ARL8A: variants seen among roughly 807,000 people sequenced by gnomAD.
ARL8A encodes ADP-ribosylation factor-like protein 8A.
ARL8A carries 10 observed loss-of-function variants against 31.2 expected under a neutral mutation model. That is an observed-to-expected ratio of 0.32 (90% CI 0.20 to 0.54). The LOEUF is 0.54. Among genes scored for constraint, ARL8A ranks in the 20% least tolerant of loss-of-function variants. ARL8A has a pLI of 0.93. For synonymous variants in ARL8A, 70 were observed against 86.9 expected, an observed-to-expected ratio of 0.81 and a Z score of 1.08; for missense variants, 129 against 242.8, an observed-to-expected ratio of 0.53 and a Z score of 3.12.
rs1654966953 is a variant in ARL8A, at chr1:202,135,010, C to G, written c.511+140G>C. ...GACAAGCTGGGATAGTGCCCAGAAT[C>G]TGGGCCACCTGGCTGCCTTTTCTAC... is the stretch of plus-strand genomic sequence containing the variant. On this transcript the variant is annotated intron_variant, in intron 6 of 6. Coordinates refer to ENST00000272217, the MANE Select transcript of ARL8A (RefSeq NM_138795.4). The surrounding 1 kb of genome is among the most constrained non-coding windows in gnomAD (Gnocchi z 5.3). 9.0e-6 allele frequency: 7 copies of G among 781,722 alleles called. No individual in the cohort carries two copies. Among genetic ancestry groups the G allele is most frequent in the African/African-American group, 1.7e-5 (1 of 57,390 alleles). The allele number at this position is 781,722 out of a possible 1,614,324, so 48.4% of individuals were successfully genotyped here.
chr1:202,136,524 T>A (rs1441726495), intron 3 of ARL8A, among the ~76,000 whole-genome samples: 1 of 152,008 alleles, frequency 6.6e-6, no homozygotes, highest in Non-Finnish European at 1.5e-5. Context: ...TGTGATCCAC[T>A]CGTCTCGGGC....
chr1:202,136,255 A>C (rs574275562), intron 3 of ARL8A, among the ~76,000 whole-genome samples: 1 of 152,162 alleles, frequency 6.6e-6, no homozygotes, highest in Non-Finnish European at 1.5e-5. Context: ...GTTTGGGCAT[A>C]TATATATAGA....
Position 202,135,267 on chromosome 1 carries a change from G to A in ARL8A, c.441-47C>T, listed in dbSNP as rs1023122402. On this transcript the variant is annotated intron_variant, in intron 5 of 6. Transcript: ENST00000272217. The surrounding 1 kb of genome is among the most constrained non-coding windows in gnomAD (Gnocchi z 5.3). ...TCCGCTGAGGCTACGAACGTCCAGG[G>A]GGCCTGGGGCTAGGGGACAGCGGGG... 3 of 1,574,330 alleles carry A rather than the reference G, an allele frequency of 1.9e-6. No homozygotes were observed. Among genetic ancestry groups the A allele is most frequent in the Admixed American group, 1.7e-5 (1 of 59,936 alleles).
intron 1 of ARL8A, among the ~76,000 whole-genome samples, chr1:202,143,157 A>T (rs4363479): frequency 6.6e-6 from 1 of 152,178 alleles, no homozygotes; most frequent in South Asian, 2.1e-4. Flanking sequence ...CTGGGTCGAG[A>T]AAGGGCAGAG....
Position 202,144,623 on chromosome 1 carries a change from G to T in ARL8A, c.-51C>A. 7.5e-7 allele frequency: 1 copy of T among 1,336,668 alleles called. No homozygotes were observed. The allele number at this position is 1,336,668 out of a possible 1,614,324, so 82.8% of individuals were successfully genotyped here. On this transcript the variant is annotated 5_prime_UTR_variant, in exon 1 of 7. Coordinates refer to ENST00000272217, the MANE Select transcript of ARL8A (RefSeq NM_138795.4). This position sits in a 1 kb window ranked among gnomAD's most constrained non-coding sequence, Gnocchi z 5.2. ...TGCCAGGTCCCCGCCGCCCCTCGCT[G>T]CCCTCGCGCTGCGGCCCGGAGCGGC...
Position 202,144,101 on chromosome 1 carries a change from C to T in ARL8A, c.123+349G>A, listed in dbSNP as rs1164800601. Among the ~76,000 whole-genome samples, 1 of 152,180 alleles carries T rather than the reference C, an allele frequency of 6.6e-6. No homozygotes were observed. Among genetic ancestry groups the T allele is most frequent in the Non-Finnish European group, 1.5e-5 (1 of 68,002 alleles). On this transcript the variant is annotated intron_variant, in intron 1 of 6. Transcript: ENST00000272217. This position sits in a 1 kb window ranked among gnomAD's most constrained non-coding sequence, Gnocchi z 5.2. ...TTTCGCCCCGTCATGCCCCCTTGCG[C>T]GGGGGCCAGAGGGGGCCCGTCTCAG...
chr1:202,135,908 G>C lies in ARL8A; in HGVS notation c.279-108C>G, dbSNP rs1462636389. On this transcript the variant is annotated intron_variant, in intron 3 of 6. Transcript: ENST00000272217. The surrounding 1 kb of genome is among the most constrained non-coding windows in gnomAD (Gnocchi z 5.3). ...GAGGTGAAAGCATCTGTTGCAGCTT[G>C]GTCACCTCGGGATCCATGGGCTACC... is the stretch of plus-strand genomic sequence containing the variant. The C allele has an allele frequency of 2.9e-6, 3 of 1,018,178 alleles. No homozygotes were observed. Among genetic ancestry groups the C allele is most frequent in the Non-Finnish European group, 4.5e-6 (3 of 661,036 alleles). The allele number at this position is 1,018,178 out of a possible 1,614,324, so 63.1% of individuals were successfully genotyped here.
chr1:202,138,224 C>T lies in ARL8A; in HGVS notation c.204+144G>A. ...GTCTTCTACTGTCTTTTCCCAGCTC[C>T]TCAGCAGGGGGACCCTGGCCTCTGC... On this transcript the variant is annotated intron_variant, in intron 2 of 6. Coordinates refer to ENST00000272217, the MANE Select transcript of ARL8A (RefSeq NM_138795.4). This position sits in a 1 kb window ranked among gnomAD's most constrained non-coding sequence, Gnocchi z 4.4. The T allele has an allele frequency of 8.6e-7, 1 of 1,167,456 alleles. No homozygotes were observed. The allele number at this position is 1,167,456 out of a possible 1,614,324, so 72.3% of individuals were successfully genotyped here.
rs1186848480 is a variant in ARL8A, at chr1:202,134,465, T to A, written c.*2A>T. ...CTGGTCTGAGGGAGAAGGGCTGGAG[T>A]CTCAGCTTCTCCGTGACTTCGAGTG... On this transcript the variant is annotated 3_prime_UTR_variant, in exon 7 of 7. Transcript: ENST00000272217. The surrounding 1 kb of genome is among the most constrained non-coding windows in gnomAD (Gnocchi z 4.2). The A allele has an allele frequency of 6.2e-7, 1 of 1,612,098 alleles. No homozygotes were observed. Among genetic ancestry groups the A allele is most frequent in the Non-Finnish European group, 8.5e-7 (1 of 1,178,698 alleles).
At chr1:202,142,114 C>A (rs1172659913) in intron 1 of ARL8A, among the ~76,000 whole-genome samples, 1 of 152,210 alleles carries the variant, frequency 6.6e-6, no homozygotes. Context: ...GTGAAACCCC[C>A]ACTTTGGCCT....
At position 202,135,472 on chromosome 1, in the gene ARL8A, G is replaced by A. The variant is rs1654980567; in HGVS notation, c.427C>T (p.Leu143=). 6.2e-7 allele frequency: 1 copy of A among 1,613,988 alleles called. No homozygotes were observed. Among genetic ancestry groups the A allele is most frequent in the African/African-American group, 1.3e-5 (1 of 74,918 alleles). ...CACCCAACTCACATTTTCTCAATCAGCTCCTTCTCATCCAATGCTCCCGGA... is the reference window on the plus strand; with the variant it reads ...CACCCAACTCACATTTTCTCAATCAACTCCTTCTCATCCAATGCTCCCGGA... ...DLPGALDEKE[L]IEKMNLSAIQ... The change falls in exon 5 of 7, where the codon CTG becomes TTG. Residue 143 remains leucine (L), a synonymous_variant. Transcript: ENST00000272217. This position sits in a 1 kb window ranked among gnomAD's most constrained non-coding sequence, Gnocchi z 5.3.
At position 202,138,015 on chromosome 1, in the gene ARL8A, C is replaced by T. The variant is rs368297615; in HGVS notation, c.228G>A (p.Pro76=). ...AGCGCTCCCACATGCTGCGGAAACG[C>T]GGCTGTCCCCCAATGTCCCAGAGCT... ...TIKLWDIGGQ[P]RFRSMWERYC... is the part of the protein sequence containing the mutation. The change falls in exon 3 of 7, where the codon CCG becomes CCA. Residue 76 remains proline (P), a synonymous_variant. Transcript: ENST00000272217. This position sits in a 1 kb window ranked among gnomAD's most constrained non-coding sequence, Gnocchi z 4.4. 1.7e-5 allele frequency: 27 copies of T among 1,613,988 alleles called. No homozygotes were observed. The highest frequency in any genetic ancestry group is 1.6e-4 in the Middle Eastern group (1 of 6,082).
chr1:202,135,300 C>T lies in ARL8A; in HGVS notation c.441-80G>A. Reference sequence around the variant, plus strand: ...GGCTAGGGGACAGCGGGGCCTTTTTCTTACCTAAGAGGCTACAAAGGGGAG... The same window carrying T: ...GGCTAGGGGACAGCGGGGCCTTTTTTTTACCTAAGAGGCTACAAAGGGGAG... On this transcript the variant is annotated intron_variant, in intron 5 of 6. Transcript: ENST00000272217. The surrounding 1 kb of genome is among the most constrained non-coding windows in gnomAD (Gnocchi z 5.3). 1 of 1,503,318 alleles carries T rather than the reference C, an allele frequency of 6.7e-7. No individual in the cohort carries two copies. Among genetic ancestry groups the T allele is most frequent in the Non-Finnish European group, 9.3e-7 (1 of 1,080,572 alleles). The allele number at this position is 1,503,318 out of a possible 1,614,324, so 93.1% of individuals were successfully genotyped here.
chr1:202,135,530 C>T lies in ARL8A; in HGVS notation c.373-4G>A, dbSNP rs764023947. 3.1e-6 allele frequency: 5 copies of T among 1,614,022 alleles called. No individual in the cohort carries two copies. Among genetic ancestry groups the T allele is most frequent in the South Asian group, 2.2e-5 (2 of 91,064 alleles). Reference sequence around the variant, plus strand: ...GCTTGTTACCCAGGACTAAGACCTACGGAGAAGGGAGGGTGAGGATGAGGT... The same window carrying T: ...GCTTGTTACCCAGGACTAAGACCTATGGAGAAGGGAGGGTGAGGATGAGGT... On this transcript the variant is annotated splice_region_variant and splice_polypyrimidine_tract_variant and intron_variant, in intron 4 of 6. Coordinates refer to ENST00000272217, the MANE Select transcript of ARL8A (RefSeq NM_138795.4). This position sits in a 1 kb window ranked among gnomAD's most constrained non-coding sequence, Gnocchi z 5.3.
At chr1:202,140,992 G>A (rs1464741099) in intron 1 of ARL8A, among the ~76,000 whole-genome samples, 4 of 152,176 alleles carry the variant, frequency 2.6e-5, no homozygotes, top group Non-Finnish European at 4.4e-5. Flanking sequence ...AAATGGTTTC[G>A]ATATAGCATG....
Position 202,138,178 on chromosome 1 carries a change from C to A in ARL8A, c.205-140G>T, listed in dbSNP as rs1341068293. ...TCTCCAGTTCTCCCCCGTCTCCACC[C>A]GCTCTCCGTCTACCTTAGAAGTCTT... On this transcript the variant is annotated intron_variant, in intron 2 of 6. Transcript: ENST00000272217. This position sits in a 1 kb window ranked among gnomAD's most constrained non-coding sequence, Gnocchi z 4.4. The A allele has an allele frequency of 1.9e-5, 22 of 1,156,426 alleles. No homozygotes were observed. The highest frequency in any genetic ancestry group is 2.5e-5 in the East Asian group (1 of 39,620). The allele number at this position is 1,156,426 out of a possible 1,614,324, so 71.6% of individuals were successfully genotyped here.
In ARL8A at chr1:202,140,296, A is replaced by ATT. The variant is rs77654638; in HGVS notation, c.124-1850_124-1849dup. ...AGGCGCGTGCCACCATGCCTAGCTA[A>ATT]TTTTTTTTTTTTTTTTTTGTATTTT... On this transcript the variant is annotated intron_variant, in intron 1 of 6. Coordinates refer to ENST00000272217, the MANE Select transcript of ARL8A (RefSeq NM_138795.4). 1.1e-3 allele frequency among the ~76,000 whole-genome samples: 153 copies of ATT among 137,656 alleles called. 1 individual carries two copies. Among genetic ancestry groups the ATT allele is most frequent in the African/African-American group, 3.8e-3 (138 of 36,034 alleles). The allele number at this position is 137,656 out of a possible 152,430, so 90.3% of individuals were successfully genotyped here. A position where few individuals can be genotyped will look rare whatever the true frequency, so the allele number is the denominator to read the frequency against.
chr1:202,138,577 G>T lies in ARL8A; in HGVS notation c.124-129C>A. ...AGACTTCCCACTGTGGGGTACTCTT[G>T]CACATCCTGTGCTTTCAGGCAGGAT... On this transcript the variant is annotated intron_variant, in intron 1 of 6. Coordinates refer to ENST00000272217, the MANE Select transcript of ARL8A (RefSeq NM_138795.4). The surrounding 1 kb of genome is among the most constrained non-coding windows in gnomAD (Gnocchi z 4.4). 1.2e-6 allele frequency: 1 copy of T among 817,274 alleles called. No individual in the cohort carries two copies. The highest frequency in any genetic ancestry group is 1.6e-5 in the South Asian group (1 of 62,234). The allele number at this position is 817,274 out of a possible 1,614,324, so 50.6% of individuals were successfully genotyped here. A position where few individuals can be genotyped will look rare whatever the true frequency, so the allele number is the denominator to read the frequency against.
Position 202,135,659 on chromosome 1 carries a change from C to T in ARL8A, c.372+48G>A, listed in dbSNP as rs529844990. ...CCTGGCTTTTACCTGCTCCCAGTGA[C>T]TTCCCAGCCGAGCTCCCTCCCCATC... On this transcript the variant is annotated intron_variant, in intron 4 of 6. Coordinates refer to ENST00000272217, the MANE Select transcript of ARL8A (RefSeq NM_138795.4). This position sits in a 1 kb window ranked among gnomAD's most constrained non-coding sequence, Gnocchi z 5.3. 1.9e-6 allele frequency: 3 copies of T among 1,593,946 alleles called. No homozygotes were observed. Among genetic ancestry groups the T allele is most frequent in the African/African-American group, 2.7e-5 (2 of 74,484 alleles).
Sources: gnomAD v4.1 joint callset for allele counts (sites outside exome capture counted in the v4.1 genomes callset) on GRCh38, gnomAD v4.1.1 for gene constraint, Gnocchi (gnomAD v3.1) non-coding constraint, MANE v1.5 for transcripts, NCBI Gene and HGNC (gene_info 2026-07-23, HGNC 2026-07-21) for gene names.